The following DPP10 variants were observed in gnomAD, a reference collection of about 807,000 sequenced individuals.
The protein encoded by DPP10 is inactive dipeptidyl peptidase 10.
Under a neutral mutation model 120.9 loss-of-function variants are expected in DPP10, and 33 were observed. The observed-to-expected ratio is 0.27, with a 90% CI of 0.21 to 0.37. The LOEUF (loss-of-function observed/expected upper bound fraction) is 0.37. DPP10 is among the 10% of genes least tolerant of loss of function. DPP10 has a pLI of 1.00. For synonymous variants in DPP10, 337 were observed against 326.1 expected (o/e 1.03, Z -0.36); for missense variants, 816 against 942.8 (o/e 0.87, Z 1.76).
At chr2:114,991,514 A>T (rs181858375) in intron 1 of DPP10, among the ~76,000 whole-genome samples, 1 of 152,220 alleles carries the variant, frequency 6.6e-6, no homozygotes, top group Non-Finnish European at 1.5e-5. Flanking sequence ...CTCCCACAAC[A>T]TGATACAATA....
intron 3 of DPP10, among the ~76,000 whole-genome samples, chr2:115,346,356 A>C (rs2063711460): frequency 6.6e-6 from 1 of 152,132 alleles, no homozygotes; most frequent in Admixed American, 6.6e-5. Flanking sequence ...GCTTATTTGG[A>C]AGCATCATTT....
intron 1 of DPP10, among the ~76,000 whole-genome samples, chr2:114,519,920 A>G (rs1274139788): frequency 6.6e-6 from 1 of 152,164 alleles, no homozygotes; most frequent in Admixed American, 6.5e-5. Flanking sequence ...ATTCCTCTTC[A>G]TGTATTGCGA....
chr2:115,695,502 G>T (rs1327841795), intron 7 of DPP10, among the ~76,000 whole-genome samples: 1 of 152,110 alleles, frequency 6.6e-6, no homozygotes, highest in African/African-American at 2.4e-5. Context: ...CAGTGGGCAG[G>T]AGGGCATGTG....
chr2:115,035,540 T>C (rs1184074791), intron 1 of DPP10, among the ~76,000 whole-genome samples: 1 of 152,246 alleles, frequency 6.6e-6, no homozygotes, highest in Non-Finnish European at 1.5e-5. Context: ...TCCTAAAAAC[T>C]GCTTGTAAAG....
intron 1 of DPP10, among the ~76,000 whole-genome samples, chr2:114,452,146 C>T (rs1678315594): frequency 6.6e-6 from 1 of 152,080 alleles, no homozygotes; most frequent in South Asian, 2.1e-4. Context: ...CCATCATTCT[C>T]TTGCATATTT....
intron 3 of DPP10, among the ~76,000 whole-genome samples, chr2:115,492,864 G>T (rs992237929): frequency 1.3e-5 from 2 of 152,080 alleles, no homozygotes; most frequent in African/African-American, 4.8e-5. Context: ...AACTGGCACA[G>T]GAGTTCAGAA....
intron 3 of DPP10, among the ~76,000 whole-genome samples, chr2:115,348,787 C>T (rs2063841822): frequency 6.6e-6 from 1 of 152,118 alleles, no homozygotes. Context: ...TTTTACCGTG[C>T]AGCTAGTGTG....
chr2:115,498,641 C>A lies in DPP10; in HGVS notation c.272-869C>A, dbSNP rs2076527268. 2.0e-5 allele frequency among the ~76,000 whole-genome samples: 3 copies of A among 150,342 alleles called. No individual in the cohort carries two copies. The South Asian group carries it at 6.2e-4, about 31-fold the overall frequency. On this transcript the variant is annotated intron_variant, in intron 3 of 25. Transcript: ENST00000410059. ...AAAAGATTATGATTTAAAAAGAGAA[C>A]ATATTCAAACCTACTTTAATGTGGC... is the stretch of plus-strand genomic sequence containing the variant.
chr2:115,508,102 T>A (rs1032266401), intron 4 of DPP10, among the ~76,000 whole-genome samples: 2 of 152,188 alleles, frequency 1.3e-5, no homozygotes, highest in African/African-American at 4.8e-5. Context: ...TATATGTACA[T>A]GTTTATGCAT....
intron 1 of DPP10, among the ~76,000 whole-genome samples, chr2:114,990,455 G>A (rs1700693452): frequency 6.6e-6 from 1 of 151,226 alleles, no homozygotes; most frequent in East Asian, 1.9e-4. Context: ...TTATTTTACT[G>A]CCTTCATTAC....
chr2:115,585,582 T>C (rs1686038818), intron 5 of DPP10, among the ~76,000 whole-genome samples: 1 of 152,210 alleles, frequency 6.6e-6, no homozygotes, highest in Admixed American at 6.5e-5. Flanking sequence ...CCTTCCTTTC[T>C]TTTTTCCTTT....
intron 3 of DPP10, among the ~76,000 whole-genome samples, chr2:115,498,687 CAT>C (rs111745778): frequency 0.23 from 30,864 of 131,832 alleles, 3,724 homozygotes; most frequent in East Asian, 0.41. Context: ...TTTACCTAAT[CAT>C]ATATATATAT....
At chr2:114,912,457 T>C (rs1026931079) in intron 1 of DPP10, among the ~76,000 whole-genome samples, 12 of 152,126 alleles carry the variant, frequency 7.9e-5, no homozygotes, top group African/African-American at 2.4e-5. Context: ...TTCATAATAA[T>C]ATTACTAAAT....
intron 1 of DPP10, among the ~76,000 whole-genome samples, chr2:115,172,467 C>G (rs1489754624): frequency 6.6e-6 from 1 of 151,498 alleles, no homozygotes; most frequent in African/African-American, 2.4e-5. Flanking sequence ...CCAATACAGA[C>G]CAGAGAAATG....
At chr2:114,911,030 A>C (rs939543789) in intron 1 of DPP10, among the ~76,000 whole-genome samples, 5 of 152,158 alleles carry the variant, frequency 3.3e-5, no homozygotes, top group Non-Finnish European at 7.4e-5. Flanking sequence ...GTAGATAGTA[A>C]GTACTCTTAA....
intron 1 of DPP10, among the ~76,000 whole-genome samples, chr2:114,739,296 C>T (rs1344173549): frequency 1.3e-5 from 2 of 152,174 alleles, no homozygotes; most frequent in Non-Finnish European, 2.9e-5. Context: ...GGCAAGCCAT[C>T]ATTTGTCAAT....
chr2:114,658,810 C>A (rs1275301401), intron 1 of DPP10, among the ~76,000 whole-genome samples: 3 of 152,118 alleles, frequency 2.0e-5, no homozygotes, highest in Non-Finnish European at 4.4e-5. Context: ...TGTGAGCATA[C>A]ACTGATTGAT....
At chr2:114,742,961 G>T (rs151288899) in intron 1 of DPP10, among the ~76,000 whole-genome samples, 2 of 152,294 alleles carry the variant, frequency 1.3e-5, no homozygotes, top group East Asian at 1.9e-4. Flanking sequence ...TTTGACAAAT[G>T]CATTGAGCTA....
At position 114,461,953 on chromosome 2, in the gene DPP10, C is replaced by T. The variant is rs1463078651; in HGVS notation, c.60+19115C>T. The T allele has an allele frequency of 4.1e-6, 4 of 985,124 alleles. No individual in the cohort carries two copies. The East Asian group carries it at 4.5e-4, about 112-fold the overall frequency. The allele number at this position is 985,124 out of a possible 1,614,324, so 61.0% of individuals were successfully genotyped here. ...GGTTAGGAGGTAGGAAATAATGAGGCCTCGACCATCTAAGATACAGAAGTC... is the reference window on the plus strand; with the variant it reads ...GGTTAGGAGGTAGGAAATAATGAGGTCTCGACCATCTAAGATACAGAAGTC... On this transcript the variant is annotated intron_variant, in intron 1 of 25. Transcript: ENST00000410059.
Sources: gnomAD v4.1 joint callset for allele counts (sites outside exome capture counted in the v4.1 genomes callset) on GRCh38, gnomAD v4.1.1 for gene constraint, MANE v1.5 for transcripts, NCBI Gene and HGNC (gene_info 2026-07-23, HGNC 2026-07-21) for gene names.